The following KCNAB1 variants were observed in gnomAD, a reference collection of about 807,000 sequenced individuals.
KCNAB1 encodes the protein potassium voltage-gated channel subfamily A regulatory beta subunit 1, also known as voltage-gated potassium channel subunit beta-1.
A neutral mutation model predicts 64.6 loss-of-function variants in KCNAB1; 35 were observed. The ratio of observed to expected loss-of-function variants is 0.54; its 90% CI spans 0.41 to 0.72. KCNAB1 has a LOEUF of 0.72. Ranked by LOEUF, KCNAB1 falls within the 30% of genes least tolerant of loss-of-function variation. The probability of loss-of-function intolerance (pLI) is 0.00; values close to 1 mark genes in which losing one functional copy is unlikely to be tolerated. For missense variants in KCNAB1, 401 were observed against 512.9 expected, an observed-to-expected ratio of 0.78 and a Z score of 2.11; for synonymous variants, 177 against 183.8, an observed-to-expected ratio of 0.96 and a Z score of 0.30.
intron 11 of KCNAB1, among the ~76,000 whole-genome samples, chr3:156,520,385 A>C (rs1717861677): frequency 6.6e-6 from 1 of 152,156 alleles, no homozygotes. Flanking sequence ...GTTTGAGACC[A>C]GCCTGGGCAA....
intron 3 of KCNAB1, among the ~76,000 whole-genome samples, chr3:156,455,529 A>G (rs6789361): frequency 0.19 from 28,897 of 152,206 alleles, 4,517 homozygotes; most frequent in African/African-American, 0.43. Context: ...GAGCATATTA[A>G]CATCTTATAG....
At chr3:156,461,994 C>A (rs1712949331) in intron 5 of KCNAB1, among the ~76,000 whole-genome samples, 1 of 152,176 alleles carries the variant, frequency 6.6e-6, no homozygotes, top group Non-Finnish European at 1.5e-5. Flanking sequence ...TTATCCAGGA[C>A]AAGTTATTAC....
intron 1 of KCNAB1, among the ~76,000 whole-genome samples, chr3:156,314,901 C>T (rs954225120): frequency 6.6e-6 from 1 of 152,136 alleles, no homozygotes; most frequent in Non-Finnish European, 1.5e-5. Context: ...GTAGTCCCAG[C>T]TACTTGGGAG....
At chr3:156,153,854 C>G (rs1307713536) in intron 1 of KCNAB1, among the ~76,000 whole-genome samples, 1 of 152,210 alleles carries the variant, frequency 6.6e-6, no homozygotes, top group Non-Finnish European at 1.5e-5. Context: ...GGCTCTCTTG[C>G]ATCTCCAACT....
At chr3:156,404,931 C>T (rs1383267424) in intron 1 of KCNAB1, among the ~76,000 whole-genome samples, 2 of 152,170 alleles carry the variant, frequency 1.3e-5, no homozygotes, top group Non-Finnish European at 2.9e-5. Flanking sequence ...AAGGTATCAG[C>T]CGTAAAAGAG....
At chr3:156,406,879 TG>T (rs1188706367) in intron 1 of KCNAB1, among the ~76,000 whole-genome samples, 1 of 152,180 alleles carries the variant, frequency 6.6e-6, no homozygotes, top group Admixed American at 6.5e-5. Flanking sequence ...CACATAGAGC[TG>T]TACAACAAGG....
At chr3:156,310,444 A>AGT (rs1252664905) in intron 1 of KCNAB1, among the ~76,000 whole-genome samples, 1 of 152,130 alleles carries the variant, frequency 6.6e-6, no homozygotes, top group Non-Finnish European at 1.5e-5. Flanking sequence ...CAAAGAGATG[A>AGT]GTTTGCAAGC....
At chr3:156,444,207 T>A (rs1717235798) in intron 2 of KCNAB1, among the ~76,000 whole-genome samples, 1 of 152,204 alleles carries the variant, frequency 6.6e-6, no homozygotes, top group Non-Finnish European at 1.5e-5. Flanking sequence ...CACCCAGACA[T>A]AGGTCTTCAT....
chr3:156,430,474 C>T (rs1716129205), intron 2 of KCNAB1, among the ~76,000 whole-genome samples: 1 of 152,168 alleles, frequency 6.6e-6, no homozygotes, highest in Non-Finnish European at 1.5e-5. Context: ...AAAAGGTCCT[C>T]TCTAGGCCCA....
intron 2 of KCNAB1, chr3:156,445,900 A>G (rs1218812783): frequency 6.6e-6 from 1 of 152,194 alleles, no homozygotes; most frequent in Non-Finnish European, 1.5e-5. Context: ...ATAGAGATGA[A>G]GGAAGCTCAA....
chr3:156,269,995 A>C (rs1718932878), intron 1 of KCNAB1, among the ~76,000 whole-genome samples: 1 of 148,024 alleles, frequency 6.8e-6, no homozygotes, highest in Non-Finnish European at 1.5e-5. Context: ...GGCTCACTGC[A>C]AGCTCTGCCT....
intron 1 of KCNAB1, among the ~76,000 whole-genome samples, chr3:156,379,235 G>A (rs966768478): frequency 1.3e-5 from 2 of 152,190 alleles, no homozygotes; most frequent in African/African-American, 2.4e-5. Context: ...GCCCTATTAT[G>A]TCTGCAAGCT....
chr3:156,199,134 T>C (rs1714162039), intron 1 of KCNAB1, among the ~76,000 whole-genome samples: 1 of 152,096 alleles, frequency 6.6e-6, no homozygotes, highest in African/African-American at 2.4e-5. Context: ...TTAAGAATGT[T>C]AAATATTGGA....
chr3:156,421,360 G>A (rs995930826), intron 1 of KCNAB1, among the ~76,000 whole-genome samples: 3 of 152,204 alleles, frequency 2.0e-5, no homozygotes, highest in African/African-American at 7.2e-5. Flanking sequence ...AGTTAATAAA[G>A]AAGACAATAT....
chr3:156,491,875 G>A (rs1174685513), intron 8 of KCNAB1, among the ~76,000 whole-genome samples: 1 of 152,046 alleles, frequency 6.6e-6, no homozygotes, highest in African/African-American at 2.4e-5. Context: ...AAAAAGAACA[G>A]AACCAGATAG....
At chr3:156,377,127 A>C (rs149663232) in intron 1 of KCNAB1, among the ~76,000 whole-genome samples, 17 of 152,284 alleles carry the variant, frequency 1.1e-4, no homozygotes, top group African/African-American at 2.9e-4. Context: ...TTAGGGTTTG[A>C]TATTACTCCA....
chr3:156,349,356 T>G (rs1299276482), intron 1 of KCNAB1, among the ~76,000 whole-genome samples: 1 of 152,240 alleles, frequency 6.6e-6, no homozygotes, highest in East Asian at 1.9e-4. Flanking sequence ...CATAAACAGT[T>G]CAGTACAACT....
intron 1 of KCNAB1, among the ~76,000 whole-genome samples, chr3:156,352,082 C>T (rs1028276233): frequency 3.3e-5 from 5 of 152,176 alleles, no homozygotes; most frequent in Admixed American, 1.3e-4. Context: ...AGCTCAAGCC[C>T]GCTGTGAGGC....
intron 2 of KCNAB1, among the ~76,000 whole-genome samples, chr3:156,427,774 T>A (rs912117276): frequency 6.6e-6 from 1 of 152,138 alleles, no homozygotes; most frequent in Non-Finnish European, 1.5e-5. Flanking sequence ...ACCTACCACA[T>A]ACACAGGTGA....
Sources: gnomAD v4.1 joint callset for allele counts (sites outside exome capture counted in the v4.1 genomes callset) on GRCh38, gnomAD v4.1.1 for gene constraint, MANE v1.5 for transcripts, NCBI Gene and HGNC (gene_info 2026-07-23, HGNC 2026-07-21) for gene names.